GNB1: variants seen among roughly 807,000 people sequenced by gnomAD.
The protein encoded by GNB1 is guanine nucleotide-binding protein G(I)/G(S)/G(T) subunit beta-1.
Under a neutral mutation model 42.9 loss-of-function variants are expected in GNB1, and 2 were observed. The observed-to-expected ratio is 0.05, with a 90% CI of 0.02 to 0.15. GNB1 has a LOEUF of 0.15. Ranked by LOEUF, GNB1 falls within the 10% of genes least tolerant of loss-of-function variation. The probability of loss-of-function intolerance (pLI) is 1.00; values close to 1 mark genes in which losing one functional copy is unlikely to be tolerated. For synonymous variants in GNB1, 183 were observed against 174.7 expected (o/e 1.05, Z -0.38); for missense variants, 193 against 462.2 (o/e 0.42, Z 5.34).
rs369701516 is a variant in GNB1 at position 1,859,640 on chromosome 1, G to C, written c.-95-20402C>G. Among the ~76,000 whole-genome samples the C allele has an allele frequency of 1.5e-3, 231 of 151,726 alleles. 1 individual carries two copies. The highest frequency in any genetic ancestry group is 5.0e-3 in the African/African-American group (206 of 41,352). On this transcript the variant is annotated intron_variant, in intron 1 of 11. Transcript: ENST00000378609. ...GGGGAGGAAAGAAAATGTAAAGAAAGGGGGAGCAGGGTAAACTAAAGGAGA... is the reference window on the plus strand; with the variant it reads ...GGGGAGGAAAGAAAATGTAAAGAAACGGGGAGCAGGGTAAACTAAAGGAGA...
intron 5 of GNB1, among the ~76,000 whole-genome samples, chr1:1,806,889 G>A (rs1263091066): frequency 2.6e-5 from 4 of 152,078 alleles, no homozygotes; most frequent in African/African-American, 9.7e-5. Flanking sequence ...CAGAAGAATC[G>A]CTTGAACCTA....
chr1:1,816,711 C>T (rs1032685472), intron 4 of GNB1, among the ~76,000 whole-genome samples: 2 of 139,772 alleles, frequency 1.4e-5, no homozygotes, highest in African/African-American at 2.7e-5. Context: ...TGCAGTGGTG[C>T]GATCTCTGCT....
intron 1 of GNB1, among the ~76,000 whole-genome samples, chr1:1,864,730 G>A (rs141240447): frequency 4.0e-4 from 61 of 152,204 alleles, no homozygotes; most frequent in South Asian, 8.3e-4. Context: ...AAAATTCTTC[G>A]TTCTGCAATT....
intron 8 of GNB1, 151 bp downstream of exon 8, chr1:1,793,094 C>T (rs1276796599): frequency 1.7e-5 from 8 of 466,022 alleles, no homozygotes; most frequent in Non-Finnish European, 2.8e-5. Context: ...TGAATTCACA[C>T]ATTGCTACTA....
intron 2 of GNB1, among the ~76,000 whole-genome samples, chr1:1,829,846 C>G (rs1380402964): frequency 6.6e-6 from 1 of 152,080 alleles, no homozygotes; most frequent in African/African-American, 2.4e-5. Context: ...TCAAGCGATT[C>G]TTTTGCCTCA....
chr1:1,815,715 C>T, intron 5 of GNB1, 41 bp downstream of exon 5: 1 of 1,051,020 alleles, frequency 9.5e-7, no homozygotes, highest in Non-Finnish European at 1.5e-6. Context: ...AGAGCAGCCC[C>T]TGAATGTAAC....
intron 2 of GNB1, 105 bp downstream of exon 2, chr1:1,839,085 G>C (rs1647188816): frequency 1.3e-5 from 2 of 152,080 alleles, no homozygotes; most frequent in South Asian, 4.2e-4. Flanking sequence ...GCAAAACACT[G>C]TCTCTTTAAA....
intron 7 of GNB1, among the ~76,000 whole-genome samples, chr1:1,794,769 C>G (rs1018244343): frequency 6.6e-6 from 1 of 152,192 alleles, no homozygotes; most frequent in Non-Finnish European, 1.5e-5. Context: ...CGGCTCACCG[C>G]AACCTCCACC....
At chr1:1,802,490 T>TGGGA (rs2100668712) in intron 7 of GNB1, among the ~76,000 whole-genome samples, 1 of 152,270 alleles carries the variant, frequency 6.6e-6, no homozygotes, top group South Asian at 2.1e-4. Flanking sequence ...CAATATAGGC[T>TGGGA]GGGAGTGGTG....
intron 1 of GNB1, among the ~76,000 whole-genome samples, chr1:1,888,636 G>C (rs112489674): frequency 6.6e-6 from 1 of 152,160 alleles, no homozygotes; most frequent in African/African-American, 2.4e-5. Flanking sequence ...TCTGGAGTTG[G>C]AGACCAGCTT....
chr1:1,799,357 T>A (rs1646593119), intron 7 of GNB1, among the ~76,000 whole-genome samples: 4 of 152,262 alleles, frequency 2.6e-5, no homozygotes, highest in Non-Finnish European at 5.9e-5. Flanking sequence ...TTTTATTTTC[T>A]TGAGTATTTT....
In GNB1 at chr1:1,789,245, C is replaced by A; in HGVS notation, c.724G>T (p.Ala242Ser). The change falls in exon 10 of 12, where the codon GCC (alanine) becomes TCC (serine). Residue 242 changes from alanine (A) to serine (S), a missense_variant. Transcript: ENST00000378609. ...ICFFPNGNAFATGSDDATCRL... is the reference protein window; with the variant it reads ...ICFFPNGNAFSTGSDDATCRL... ...CAGGTGGCGTCGTCTGAGCCAGTGG[C>A]AAATGCATTGCCATTTGGAAAGAAC... 1 of 1,607,986 alleles carries A rather than the reference C, an allele frequency of 6.2e-7. No individual in the cohort carries two copies. The highest frequency in any genetic ancestry group is 8.5e-7 in the Non-Finnish European group (1 of 1,174,382).
intron 2 of GNB1, among the ~76,000 whole-genome samples, chr1:1,833,329 T>C (rs2101080800): frequency 6.6e-6 from 1 of 152,298 alleles, no homozygotes; most frequent in South Asian, 2.1e-4. Flanking sequence ...CATTTTTCTT[T>C]CATTCCCAAG....
rs759614261 is a variant in GNB1, at chr1:1,806,463, TC to T, written c.267+11del. On this transcript the variant is annotated intron_variant, in intron 6 of 11. Transcript: ENST00000378609. ...GTTGGTTTTTCAAGGAAGGGAATCC[TC>T]CAGTCCCTACCTTGTTGGTGGTGTA... 6.4e-7 allele frequency: 1 copy of T among 1,560,150 alleles called. No individual in the cohort carries two copies. Among genetic ancestry groups the T allele is most frequent in the South Asian group, 1.1e-5 (1 of 89,836 alleles).
intron 5 of GNB1, among the ~76,000 whole-genome samples, chr1:1,814,154 C>A (rs960526483): frequency 1.3e-5 from 2 of 152,098 alleles, no homozygotes; most frequent in Non-Finnish European, 2.9e-5. Flanking sequence ...CTCTCATTTG[C>A]ATGGGGAATT....
chr1:1,794,917 T>C (rs1319034979), intron 7 of GNB1, among the ~76,000 whole-genome samples: 1 of 152,186 alleles, frequency 6.6e-6, no homozygotes, highest in Non-Finnish European at 1.5e-5. Flanking sequence ...CTTGATCTCT[T>C]GACCTTGTGA....
rs556359418 is a variant in GNB1, at chr1:1,847,748, G to A, written c.-95-8510C>T. ...CTCACAGGATTTACGAGAGCCAGAC[G>A]AGGAAATCATGAAAAGACTGTGCAT... is the stretch of plus-strand genomic sequence containing the variant. On this transcript the variant is annotated intron_variant, in intron 1 of 11. Transcript: ENST00000378609. 1.3e-3 allele frequency among the ~76,000 whole-genome samples: 192 copies of A among 152,164 alleles called. 4 individuals are homozygous for A. Among genetic ancestry groups the A allele is most frequent in the South Asian group, 5.2e-3 (25 of 4,820 alleles).
chr1:1,845,707 C>G (rs755421497), intron 1 of GNB1, among the ~76,000 whole-genome samples: 15 of 152,016 alleles, frequency 9.9e-5, no homozygotes, highest in Non-Finnish European at 1.5e-4. Context: ...AGAAGGGAGG[C>G]ACAACACGGA....
chr1:1,854,833 G>T (rs1648176423), intron 1 of GNB1, among the ~76,000 whole-genome samples: 1 of 152,186 alleles, frequency 6.6e-6, no homozygotes, highest in Non-Finnish European at 1.5e-5. Context: ...AGGAGTTCAA[G>T]ATCAGCCTGG....
Sources: allele counts gnomAD v4.1 joint callset (sites outside exome capture counted in the v4.1 genomes callset), GRCh38; gene constraint gnomAD v4.1.1; transcripts MANE v1.5; gene names NCBI Gene and HGNC (gene_info 2026-07-23, HGNC 2026-07-21).